The following RAPGEF4 variants were observed in gnomAD, a reference collection of about 807,000 sequenced individuals.
The protein encoded by RAPGEF4 is RAP guanine-nucleotide-exchange factor (GEF) 4.
RAPGEF4 carries 66 observed loss-of-function variants against 147.9 expected under a neutral mutation model. The ratio of observed to expected loss-of-function variants is 0.45; its 90% CI spans 0.37 to 0.55. RAPGEF4 has a LOEUF of 0.55. Among genes scored for constraint, RAPGEF4 ranks in the 20% least tolerant of loss-of-function variants. The pLI, the probability that RAPGEF4 is intolerant of heterozygous loss-of-function variation, is 0.00. For missense variants in RAPGEF4, 1,071 were observed against 1,257.3 expected, an observed-to-expected ratio of 0.85 and a Z score of 2.24; for synonymous variants, 419 against 442.7, an observed-to-expected ratio of 0.95 and a Z score of 0.67.
Position 172,860,567 on chromosome 2 carries a change from G to GTTTTTTTT in RAPGEF4, c.444+46151_444+46158dup, listed in dbSNP as rs11400519. On this transcript the variant is annotated intron_variant, in intron 4 of 30. Transcript: ENST00000397081. The stretch of plus-strand genomic sequence containing the variant: ...CTGTGCGTGAGTTTTGTTTATTTGG[G>GTTTTTTTT]TTTTTTTTTTTTTTTTGGTTTTGTT... Among the ~76,000 whole-genome samples the GTTTTTTTT allele has an allele frequency of 4.1e-3, 531 of 129,416 alleles. 3 individuals are homozygous for GTTTTTTTT. The highest frequency in any genetic ancestry group is 0.012 in the African/African-American group (442 of 35,498). The allele number at this position is 129,416 out of a possible 152,430, so 84.9% of individuals were successfully genotyped here. A position where few individuals can be genotyped will look rare whatever the true frequency, so the allele number is the denominator to read the frequency against.
At chr2:173,033,462 A>T (rs1697385989) in intron 26 of RAPGEF4, among the ~76,000 whole-genome samples, 2 of 152,208 alleles carry the variant, frequency 1.3e-5, no homozygotes, top group African/African-American at 2.4e-5. Flanking sequence ...AAAAATTCTT[A>T]TTCTCATGTA....
At chr2:172,788,827 G>A (rs527725857) in intron 1 of RAPGEF4, among the ~76,000 whole-genome samples, 103 of 152,226 alleles carry the variant, frequency 6.8e-4, no homozygotes, top group African/African-American at 2.5e-3. Context: ...CCAGGGGGTC[G>A]AGGCTTCAGT....
At chr2:172,847,502 A>G (rs1317301978) in intron 4 of RAPGEF4, among the ~76,000 whole-genome samples, 1 of 152,060 alleles carries the variant, frequency 6.6e-6, no homozygotes, top group Non-Finnish European at 1.5e-5. Context: ...ATCTCACCTG[A>G]CCAGAAAGCC....
At chr2:172,911,660 T>G (rs1219512955) in intron 4 of RAPGEF4, among the ~76,000 whole-genome samples, 1 of 151,394 alleles carries the variant, frequency 6.6e-6, no homozygotes, top group Non-Finnish European at 1.5e-5. Context: ...GGTTTCACCA[T>G]GTTGGCCAGG....
intron 6 of RAPGEF4, among the ~76,000 whole-genome samples, chr2:172,945,939 T>A (rs1346719805): frequency 2.0e-5 from 3 of 152,204 alleles, no homozygotes; most frequent in Non-Finnish European, 4.4e-5. Flanking sequence ...TTTGGAACCA[T>A]AATCCCTGGC....
intron 10 of RAPGEF4, among the ~76,000 whole-genome samples, chr2:172,971,668 G>C (rs1175090202): frequency 1.3e-5 from 2 of 152,140 alleles, no homozygotes; most frequent in African/African-American, 2.4e-5. Context: ...TGGAATAAGA[G>C]CTCTGAGAGA....
At chr2:172,939,987 G>A (rs1686989500) in intron 6 of RAPGEF4, among the ~76,000 whole-genome samples, 1 of 152,032 alleles carries the variant, frequency 6.6e-6, no homozygotes, top group Non-Finnish European at 1.5e-5. Context: ...TCATCTACAT[G>A]TCTGTTCATT....
chr2:172,762,614 GAA>G (rs1014778714), intron 1 of RAPGEF4, among the ~76,000 whole-genome samples: 1 of 152,214 alleles, frequency 6.6e-6, no homozygotes, highest in Non-Finnish European at 1.5e-5. Context: ...GCAGGGGACA[GAA>G]GAAGAGGTGG....
chr2:172,787,602 T>C (rs1003564594), intron 1 of RAPGEF4, among the ~76,000 whole-genome samples: 2 of 53,174 alleles, frequency 3.8e-5, no homozygotes, highest in African/African-American at 1.4e-4. Context: ...CAAAGTGCTT[T>C]ATTTATTTAT....
Position 173,051,925 on chromosome 2 carries a change from C to T in RAPGEF4, c.*158C>T. On this transcript the variant is annotated 3_prime_UTR_variant, in exon 31 of 31. Coordinates refer to ENST00000397081, the MANE Select transcript of RAPGEF4 (RefSeq NM_007023.4). ...AGGGCTGCATTCAGCTTACCAGCTA[C>T]CTAGCAAGAGAAGGAATTATTTGAC... 1.3e-6 allele frequency: 1 copy of T among 741,764 alleles called. No individual in the cohort carries two copies. The highest frequency in any genetic ancestry group is 2.1e-6 in the Non-Finnish European group (1 of 469,968). 45.9% of individuals were successfully genotyped at this position (741,764 alleles called of 1,614,324 possible).
At chr2:172,860,274 T>A in intron 4 of RAPGEF4, 2 of 985,430 alleles carry the variant, frequency 2.0e-6, no homozygotes, top group Non-Finnish European at 2.4e-6. Context: ...GCTCCTGCCG[T>A]GGTGGACCTG....
At chr2:173,014,227 C>G (rs756990809) in intron 17 of RAPGEF4, among the ~76,000 whole-genome samples, 90 of 152,234 alleles carry the variant, frequency 5.9e-4, no homozygotes, top group Admixed American at 1.2e-3. Flanking sequence ...CAGGAGGAGT[C>G]TGTGAAAGTC....
intron 3 of RAPGEF4, among the ~76,000 whole-genome samples, chr2:172,810,188 G>A (rs967337185): frequency 2.0e-5 from 3 of 152,126 alleles, no homozygotes; most frequent in Admixed American, 6.5e-5. Context: ...CTACTTACTA[G>A]CCATCGTCTT....
chr2:172,856,028 T>C (rs1197660135), intron 4 of RAPGEF4, among the ~76,000 whole-genome samples: 1 of 152,128 alleles, frequency 6.6e-6, no homozygotes, highest in African/African-American at 2.4e-5. Context: ...TTTTGGGAAA[T>C]TTGAGGTATT....
At chr2:172,933,970 CTTAA>C (rs1256266490) in intron 6 of RAPGEF4, among the ~76,000 whole-genome samples, 1 of 152,034 alleles carries the variant, frequency 6.6e-6, no homozygotes, top group Admixed American at 6.5e-5. Context: ...AATTTATTCT[CTTAA>C]TTAGTTTAAT....
chr2:172,880,728 A>T (rs773696767), intron 4 of RAPGEF4, among the ~76,000 whole-genome samples: 3 of 152,230 alleles, frequency 2.0e-5, no homozygotes, highest in African/African-American at 4.8e-5. Context: ...TGACTTGACA[A>T]GTTCTTTAAC....
chr2:173,036,060 A>C, intron 27 of RAPGEF4, 65 bp from the exon 28 acceptor site: 2 of 1,179,320 alleles, frequency 1.7e-6, no homozygotes, highest in Admixed American at 3.4e-5. Context: ...CAGGTGTATT[A>C]GGAGGTAACA....
At chr2:172,840,513 T>A (rs1691463405) in intron 4 of RAPGEF4, among the ~76,000 whole-genome samples, 1 of 152,210 alleles carries the variant, frequency 6.6e-6, no homozygotes, top group Admixed American at 6.5e-5. Flanking sequence ...ACTTTTACTG[T>A]CTACTTTACC....
At chr2:172,813,214 A>C (rs1161111578) in intron 3 of RAPGEF4, among the ~76,000 whole-genome samples, 1 of 152,200 alleles carries the variant, frequency 6.6e-6, no homozygotes, top group Non-Finnish European at 1.5e-5. Context: ...TATTAGATGC[A>C]TGAAAGGAAA....
Sources: gnomAD v4.1 joint callset for allele counts (sites outside exome capture counted in the v4.1 genomes callset) on GRCh38, gnomAD v4.1.1 for gene constraint, MANE v1.5 for transcripts, NCBI Gene and HGNC (gene_info 2026-07-23, HGNC 2026-07-21) for gene names.